The following UBE2D3 variants were observed in gnomAD, a reference collection of about 807,000 sequenced individuals.
UBE2D3 encodes the protein ubiquitin conjugating enzyme E2 D3.
UBE2D3 carries 2 observed loss-of-function variants against 22.8 expected under a neutral mutation model. The ratio of observed to expected loss-of-function variants is 0.09; its 90% CI spans 0.04 to 0.28. The LOEUF (loss-of-function observed/expected upper bound fraction) is 0.28. UBE2D3 is among the 10% of genes least tolerant of loss of function. The pLI is 1.00. For missense variants in UBE2D3, 27 were observed against 182.5 expected (o/e 0.15, Z 4.91); for synonymous variants, 56 against 60.4 (o/e 0.93, Z 0.34).
intron 1 of UBE2D3, chr4:102,843,415 A>G (rs1007193442): frequency 6.6e-6 from 1 of 152,080 alleles, no homozygotes; most frequent in Non-Finnish European, 1.5e-5. Context: ...CCCATCATGA[A>G]TTGTTGTTAT....
chr4:102,847,637 T>TTTTTC (rs753272105), intron 1 of UBE2D3, among the ~76,000 whole-genome samples: 4 of 151,550 alleles, frequency 2.6e-5, no homozygotes, highest in South Asian at 2.1e-4. Context: ...TTCTTATGTA[T>TTTTTC]TTTTCTTTTC....
At chr4:102,827,077 G>A (rs1189708118) in intron 1 of UBE2D3, 7 of 984,354 alleles carry the variant, frequency 7.1e-6, no homozygotes, top group African/African-American at 1.9e-5. Flanking sequence ...GGAAATAAAG[G>A]AAGGGAGACT....
chr4:102,823,295 C>G (rs1208793281), intron 2 of UBE2D3, among the ~76,000 whole-genome samples: 1 of 152,138 alleles, frequency 6.6e-6, no homozygotes, highest in Non-Finnish European at 1.5e-5. Context: ...ACAACATGAA[C>G]CTGGGTCATC....
At chr4:102,836,126 A>G (rs932994690) in intron 1 of UBE2D3, among the ~76,000 whole-genome samples, 3 of 144,788 alleles carry the variant, frequency 2.1e-5, no homozygotes, top group African/African-American at 5.1e-5. Flanking sequence ...GTCAGTGGAC[A>G]TTTGGTTTGT....
intron 2 of UBE2D3, among the ~76,000 whole-genome samples, chr4:102,817,916 TAA>T (rs530150814): frequency 8.3e-4 from 127 of 152,290 alleles, no homozygotes; most frequent in Middle Eastern, 3.4e-3. Flanking sequence ...TTTTAGAGCC[TAA>T]AGTTTCACAG....
At chr4:102,810,043 G>A (rs1727702558) in intron 2 of UBE2D3, 188 bp from the exon 3 acceptor site, 6 of 572,134 alleles carry the variant, frequency 1.0e-5, no homozygotes, top group African/African-American at 1.9e-5. Context: ...ATCTTAGCTA[G>A]AGTTCGTAAA....
chr4:102,809,327 C>T (rs754354987), intron 4 of UBE2D3: 47 of 275,728 alleles, frequency 1.7e-4, no homozygotes, highest in Non-Finnish European at 2.5e-4. Flanking sequence ...AGTAACACAA[C>T]GCATGGCATA....
chr4:102,801,723 CCT>C, intron 5 of UBE2D3, 164 bp from the exon 6 acceptor site: 1 of 537,788 alleles, frequency 1.9e-6, no homozygotes, highest in East Asian at 3.3e-5. Flanking sequence ...CCCCCTGCCT[CCT>C]CTTTTTACAA....
chr4:102,801,580 T>C (rs1269400349), intron 5 of UBE2D3, 21 bp from the exon 6 acceptor site: 9 of 1,542,894 alleles, frequency 5.8e-6, no homozygotes, highest in South Asian at 3.6e-5. Flanking sequence ...AACTTTTAAG[T>C]ATTTTATTCA....
At chr4:102,810,691 T>C (rs890995598) in intron 2 of UBE2D3, 1 of 152,186 alleles carries the variant, frequency 6.6e-6, no homozygotes, top group Non-Finnish European at 1.5e-5. Flanking sequence ...GTCTGCACAA[T>C]TCAATATGAA....
chr4:102,860,411 GTGTGTGTGTGTA>G lies in UBE2D3; in HGVS notation c.-129+8292_-129+8303del, dbSNP rs1280035419. On this transcript the variant is annotated intron_variant, in intron 1 of 7. Coordinates refer to the UBE2D3 transcript ENST00000338145. ...TGGTTGTCATGTTTTCCTGGTGTGT[GTGTGTGTGTGTA>G]TGTGTGTGTGTGTGTGTTCTTTTAA... is the stretch of plus-strand genomic sequence containing the variant. Among the ~76,000 whole-genome samples the G allele has an allele frequency of 8.4e-4, 104 of 123,218 alleles. 1 individual carries two copies. The highest frequency in any genetic ancestry group is 3.3e-3 in the African/African-American group (96 of 29,264). The allele number at this position is 123,218 out of a possible 152,430, so 80.8% of individuals were successfully genotyped here.
intron 2 of UBE2D3, chr4:102,811,805 G>A (rs140207019): frequency 5.2e-5 from 23 of 440,894 alleles, no homozygotes; most frequent in African/African-American, 3.9e-4. Context: ...CAGCTTGAGC[G>A]CAGGAGTTCG....
chr4:102,828,256 A>G (rs1389597658), upstream of UBE2D3: 4 of 985,324 alleles, frequency 4.1e-6, no homozygotes, highest in Non-Finnish European at 4.8e-6. Context: ...GGTGCCAAGG[A>G]TTAATTACCA....
intron 1 of UBE2D3, chr4:102,843,300 AT>A (rs113354125): frequency 0.022 from 3,254 of 144,668 alleles, 32 homozygotes; most frequent in African/African-American, 0.041. Context: ...ATTTTGTTTC[AT>A]TTTTTTTTTT....
chr4:102,868,741 G>A (rs1249286272), exon 1 of UBE2D3: 2 of 1,614,092 alleles, frequency 1.2e-6, no homozygotes, highest in South Asian at 2.2e-5. Context: ...CGGTTAGAAA[G>A]CATTCTCACA....
intron 2 of UBE2D3, chr4:102,825,266 C>G (rs1730276488): frequency 1.0e-6 from 1 of 986,342 alleles, no homozygotes; most frequent in Non-Finnish European, 1.2e-6. Context: ...TCTAGTAAGG[C>G]TGAATTTATT....
At chr4:102,807,648 C>T (rs1215068933) in intron 4 of UBE2D3, among the ~76,000 whole-genome samples, 2 of 152,018 alleles carry the variant, frequency 1.3e-5, no homozygotes, top group Non-Finnish European at 2.9e-5. Flanking sequence ...TGAAAAAGTT[C>T]AGCAAGGAAT....
At chr4:102,865,820 A>G (rs1375269993) in intron 1 of UBE2D3, among the ~76,000 whole-genome samples, 1 of 152,244 alleles carries the variant, frequency 6.6e-6, no homozygotes, top group Non-Finnish European at 1.5e-5. Flanking sequence ...TAGCTAGGAC[A>G]GGCAGAAGAT....
chr4:102,845,290 T>C (rs1731990450), intron 1 of UBE2D3, among the ~76,000 whole-genome samples: 1 of 152,158 alleles, frequency 6.6e-6, no homozygotes. Context: ...CTGGTCCCTA[T>C]GGAAAAGGCT....
Sources: gnomAD v4.1 joint callset for allele counts (sites outside exome capture counted in the v4.1 genomes callset) on GRCh38, gnomAD v4.1.1 for gene constraint, MANE v1.5 for transcripts, NCBI Gene and HGNC (gene_info 2026-07-23, HGNC 2026-07-21) for gene names.